ME2: variants seen among roughly 807,000 people sequenced by gnomAD.
The protein encoded by ME2 is NAD-dependent malic enzyme, mitochondrial.
In ME2, 60 loss-of-function variants were observed where a neutral mutation model predicts 73.7. The ratio of observed to expected loss-of-function variants is 0.81; its 90% CI spans 0.66 to 1.01. The LOEUF is 1.01. ME2 is among the 50% of genes least tolerant of loss of function. The pLI, the probability that ME2 is intolerant of heterozygous loss-of-function variation, is 0.00. For synonymous variants in ME2, 199 were observed against 236.9 expected, an observed-to-expected ratio of 0.84 and a Z score of 1.47; for missense variants, 594 against 705.5, an observed-to-expected ratio of 0.84 and a Z score of 1.79.
At chr18:50,913,860 TACACAC>T (rs1555677139) in intron 4 of ME2, among the ~76,000 whole-genome samples, 5 of 143,178 alleles carry the variant, frequency 3.5e-5, no homozygotes, top group East Asian at 4.1e-4. Flanking sequence ...AGCAATATTA[TACACAC>T]ACACACACAC....
At chr18:50,936,325 C>T (rs1451871145) in intron 13 of ME2, among the ~76,000 whole-genome samples, 2 of 151,928 alleles carry the variant, frequency 1.3e-5, no homozygotes, top group Non-Finnish European at 2.9e-5. Flanking sequence ...AACAAAAAAC[C>T]GGGGATTCAC....
intron 4 of ME2, 68 bp downstream of exon 4, chr18:50,913,018 C>G: frequency 7.6e-7 from 1 of 1,312,162 alleles, no homozygotes; most frequent in Non-Finnish European, 1.0e-6. Flanking sequence ...CCATAACACC[C>G]ATTACATTTC....
intron 12 of ME2, among the ~76,000 whole-genome samples, chr18:50,929,161 CT>C (rs111985773): frequency 0.063 from 8,966 of 142,802 alleles, 336 homozygotes; most frequent in African/African-American, 0.11. Context: ...ATTTGGCATT[CT>C]TTTTTTTTTT....
chr18:50,914,683 C>T (rs906961302), intron 4 of ME2, among the ~76,000 whole-genome samples: 2 of 152,040 alleles, frequency 1.3e-5, no homozygotes, highest in Non-Finnish European at 2.9e-5. Flanking sequence ...CATTATATAG[C>T]CAGATTGAGA....
At chr18:50,896,745 C>T (rs1157065781) in intron 2 of ME2, among the ~76,000 whole-genome samples, 1 of 152,094 alleles carries the variant, frequency 6.6e-6, no homozygotes, top group East Asian at 1.9e-4. Flanking sequence ...CGTTTGTTTC[C>T]CACTATCAGG....
intron 7 of ME2, 44 bp from the exon 8 acceptor site, chr18:50,920,412 A>G (rs1225058134): frequency 7.9e-7 from 1 of 1,259,880 alleles, no homozygotes; most frequent in Non-Finnish European, 1.1e-6. Flanking sequence ...GCTGTTTAAT[A>G]GTGTTATTTT....
Position 50,908,079 on chromosome 18 carries a change from T to G in ME2, c.125T>G (p.Leu42Ter), listed in dbSNP as rs1274745283. The change falls in exon 3 of 16, where the codon TTA becomes TGA. Residue 42 changes from leucine to a stop codon, truncating the protein, a stop_gained. Coordinates refer to ENST00000321341, the MANE Select transcript of ME2 (RefSeq NM_002396.5). LOFTEE classifies it high-confidence loss of function. ...PRTNKGMAFT[L>*]QERQMLGLQG... The stretch of plus-strand genomic sequence containing the variant: ...CCTCTTTAGGGAATGGCATTTACTT[T>G]ACAAGAACGACAAATGCTTGGTCTT... The G allele has an allele frequency of 6.3e-7, 1 of 1,582,118 alleles. No homozygotes were observed. The highest frequency in any genetic ancestry group is 2.3e-5 in the East Asian group (1 of 43,760).
intron 9 of ME2, 79 bp downstream of exon 9, chr18:50,920,837 T>C: frequency 9.0e-7 from 1 of 1,110,798 alleles, no homozygotes; most frequent in Non-Finnish European, 1.3e-6. Context: ...TTGATGTTTA[T>C]GAAAGAGCAT....
intron 1 of ME2, among the ~76,000 whole-genome samples, chr18:50,887,921 A>G (rs2144183467): frequency 6.6e-6 from 1 of 152,380 alleles, no homozygotes; most frequent in South Asian, 2.1e-4. Flanking sequence ...ATGAAGCATG[A>G]ACTGGTGACC....
chr18:50,920,575 A>G lies in ME2; in HGVS notation c.844+10A>G, dbSNP rs774037320. On this transcript the variant is annotated intron_variant, in intron 8 of 15. Coordinates refer to ENST00000321341, the MANE Select transcript of ME2 (RefSeq NM_002396.5). ...AATGATGATATTCAAGGTAAAGCAA[A>G]AAAACTTCAGGGTTTTGATTCCTAC... is the stretch of plus-strand genomic sequence containing the variant. 3.3e-5 allele frequency: 52 copies of G among 1,575,616 alleles called. No individual in the cohort carries two copies. The East Asian group carries it at 1.1e-3, about 33-fold the overall frequency.
intron 1 of ME2, among the ~76,000 whole-genome samples, chr18:50,892,009 T>C (rs889229063): frequency 6.6e-6 from 1 of 151,272 alleles, no homozygotes; most frequent in African/African-American, 2.4e-5. Context: ...TTGGTAGAGA[T>C]GGAGTTTCAC....
intron 12 of ME2, among the ~76,000 whole-genome samples, chr18:50,929,930 T>C (rs997495948): frequency 5.3e-5 from 8 of 152,306 alleles, no homozygotes; most frequent in Middle Eastern, 6.8e-3. Flanking sequence ...AAGAATTTTG[T>C]TTTTTGTATA....
In ME2 at chr18:50,945,807, C is replaced by T. The variant is rs139530988; in HGVS notation, c.1588-1210C>T. On this transcript the variant is annotated intron_variant, in intron 15 of 15. Coordinates refer to ENST00000321341, the MANE Select transcript of ME2 (RefSeq NM_002396.5). ...ACCTGCCGGGCATGGTGGCTCATGCCTGTAATCTTAGCACTTAGGTAGGCT... is the reference window on the plus strand; with the variant it reads ...ACCTGCCGGGCATGGTGGCTCATGCTTGTAATCTTAGCACTTAGGTAGGCT... Among the ~76,000 whole-genome samples, 236 of 152,236 alleles carry T rather than the reference C, an allele frequency of 1.6e-3. 1 individual carries two copies. In the East Asian group the frequency reaches 0.027, roughly 17 times the overall value.
Position 50,920,744 on chromosome 18 carries a change from C to T in ME2, c.928C>T (p.Leu310Phe). Residue 310 changes from leucine to phenylalanine, a missense_variant, in exon 9 of 16, where the codon CTT becomes TTT. Transcript: ENST00000321341. ...AATCTCCGAACACAAAATCTTATTC[C>T]TTGGAGCAGGAGAGGTAAGTTTTGA... The part of the protein sequence containing the change: ...KPISEHKILF[L>F]GAGEAALGIA... The T allele has an allele frequency of 6.2e-7, 1 of 1,610,258 alleles. No homozygotes were observed. Among genetic ancestry groups the T allele is most frequent in the East Asian group, 2.2e-5 (1 of 44,844 alleles).
intron 15 of ME2, chr18:50,942,748 A>G (rs1046643435): frequency 6.7e-6 from 2 of 297,126 alleles, no homozygotes; most frequent in African/African-American, 2.1e-5. Context: ...TAGGAATAAT[A>G]CTAATTTGAA....
Position 50,947,255 on chromosome 18 carries a change from T to G in ME2, c.*71T>G. 1 of 1,465,878 alleles carries G rather than the reference T, an allele frequency of 6.8e-7. No individual in the cohort carries two copies. The highest frequency in any genetic ancestry group is 2.3e-5 in the East Asian group (1 of 43,920). The allele number at this position is 1,465,878 out of a possible 1,614,324, so 90.8% of individuals were successfully genotyped here. On this transcript the variant is annotated 3_prime_UTR_variant, in exon 16 of 16. Coordinates refer to ENST00000321341, the MANE Select transcript of ME2 (RefSeq NM_002396.5). Reference sequence around the variant, plus strand: ...TTTTCAGACAAGAAGAGATAATGTCTTCAGTTTTATGGTGTTTTCTGTGTT... The same window carrying G: ...TTTTCAGACAAGAAGAGATAATGTCGTCAGTTTTATGGTGTTTTCTGTGTT...
intron 1 of ME2, among the ~76,000 whole-genome samples, chr18:50,887,569 A>T (rs1916501905): frequency 6.6e-6 from 1 of 152,208 alleles, no homozygotes; most frequent in South Asian, 2.1e-4. Context: ...ACGAGAATTA[A>T]ACCATCCATC....
chr18:50,914,277 C>A (rs1917233481), intron 4 of ME2, among the ~76,000 whole-genome samples: 1 of 152,220 alleles, frequency 6.6e-6, no homozygotes. Context: ...ATTTCTGTGA[C>A]ATAACCATGC....
intron 9 of ME2, 130 bp from the exon 10 acceptor site, chr18:50,920,944 G>A: frequency 1.4e-6 from 1 of 698,590 alleles, no homozygotes; most frequent in African/African-American, 1.9e-5. Context: ...ATATCACGAA[G>A]AATTTTTGTT....
Sources: allele counts gnomAD v4.1 joint callset (sites outside exome capture counted in the v4.1 genomes callset), GRCh38; gene constraint gnomAD v4.1.1; transcripts MANE v1.5; gene names NCBI Gene and HGNC (gene_info 2026-07-23, HGNC 2026-07-21).